The following RIMS1 variants were observed in gnomAD, a reference collection of about 807,000 sequenced individuals.
RIMS1 encodes regulating synaptic membrane exocytosis 1.
Under a neutral mutation model 214.1 loss-of-function variants are expected in RIMS1, and 83 were observed. That is an observed-to-expected ratio of 0.39 (90% CI 0.32 to 0.47). The LOEUF is 0.47. RIMS1 is among the 20% of genes least tolerant of loss of function. The probability of loss-of-function intolerance (pLI) is 0.99; values close to 1 mark genes in which losing one functional copy is unlikely to be tolerated. For synonymous variants in RIMS1, 793 were observed against 786.8 expected (o/e 1.01, Z -0.13); for missense variants, 2,050 against 2,161.8 (o/e 0.95, Z 1.03).
At chr6:72,170,967 T>C (rs2046949153) in intron 4 of RIMS1, among the ~76,000 whole-genome samples, 1 of 152,152 alleles carries the variant, frequency 6.6e-6, no homozygotes, top group South Asian at 2.1e-4. Context: ...AAATCATTAT[T>C]ATTATTTTCC....
chr6:71,987,078 A>G (rs1800211955), intron 2 of RIMS1, among the ~76,000 whole-genome samples: 1 of 152,208 alleles, frequency 6.6e-6, no homozygotes, highest in Non-Finnish European at 1.5e-5. Flanking sequence ...AGAAATATGC[A>G]GAGTGGTTAG....
At chr6:72,250,513 G>C in intron 13 of RIMS1, 53 bp downstream of exon 13, 1 of 1,284,436 alleles carries the variant, frequency 7.8e-7, no homozygotes, top group Non-Finnish European at 1.1e-6. Flanking sequence ...TAATAGAAAA[G>C]GTAGAATTTT....
intron 29 of RIMS1, among the ~76,000 whole-genome samples, chr6:72,384,711 C>T (rs922141799): frequency 6.6e-5 from 10 of 152,126 alleles, no homozygotes; most frequent in Admixed American, 2.6e-4. Flanking sequence ...TTAATTGTAT[C>T]TGCATGTCAA....
intron 6 of RIMS1, among the ~76,000 whole-genome samples, chr6:72,183,888 G>T (rs2048725426): frequency 6.6e-6 from 1 of 152,132 alleles, no homozygotes; most frequent in Admixed American, 6.5e-5. Flanking sequence ...AGTTAAAAAT[G>T]ATAAAACCTT....
rs149755035 is a variant in RIMS1 at position 72,264,056 on chromosome 6, T to C, written c.3117-919T>C. 1,264 of 832,824 alleles carry C rather than the reference T, an allele frequency of 1.5e-3. 15 individuals carry two copies. In the African/African-American group the frequency reaches 0.021, roughly 14 times the overall value. 51.6% of individuals were successfully genotyped at this position (832,824 alleles called of 1,614,324 possible). A position where few individuals can be genotyped will look rare whatever the true frequency, so the allele number is the denominator to read the frequency against. ...TTTTTAATTGAAGTTTTAAGGGATT[T>C]CCTTTGATTTGATCATTAATATAAA... On this transcript the variant is annotated intron_variant, in intron 19 of 33. Transcript: ENST00000521978.
chr6:71,953,654 C>A (rs188447139), intron 1 of RIMS1, among the ~76,000 whole-genome samples: 1 of 152,090 alleles, frequency 6.6e-6, no homozygotes, highest in Non-Finnish European at 1.5e-5. Flanking sequence ...GAATTAGTTT[C>A]TTTCCTAAAT....
intron 1 of RIMS1, among the ~76,000 whole-genome samples, chr6:71,903,654 C>G (rs146067804): frequency 6.6e-6 from 1 of 151,662 alleles, no homozygotes; most frequent in African/African-American, 2.4e-5. Context: ...AACAAATTTA[C>G]GGGAAAAAAA....
chr6:72,095,862 C>T (rs1039261539), intron 2 of RIMS1, among the ~76,000 whole-genome samples: 4 of 152,178 alleles, frequency 2.6e-5, no homozygotes, highest in African/African-American at 9.7e-5. Context: ...ATCCAAAAAA[C>T]TAGCTCAGAT....
chr6:72,261,103 T>G (rs539306906), intron 19 of RIMS1: 174 of 1,190,162 alleles, frequency 1.5e-4, no homozygotes, highest in Non-Finnish European at 1.8e-4. Context: ...CCACACATAT[T>G]CCTGTCTAGT....
chr6:72,197,991 A>G (rs754441360), intron 6 of RIMS1, among the ~76,000 whole-genome samples: 4 of 152,254 alleles, frequency 2.6e-5, no homozygotes, highest in Admixed American at 6.5e-5. Flanking sequence ...CTCATCAGCA[A>G]TGATGAACTA....
At chr6:72,384,587 T>A (rs1168249672) in intron 29 of RIMS1, among the ~76,000 whole-genome samples, 1 of 152,220 alleles carries the variant, frequency 6.6e-6, no homozygotes, top group African/African-American at 2.4e-5. Context: ...TTCAGCCTCC[T>A]TGACAGTCCT....
intron 29 of RIMS1, among the ~76,000 whole-genome samples, chr6:72,350,950 A>G (rs1410677695): frequency 6.6e-6 from 1 of 152,172 alleles, no homozygotes; most frequent in Non-Finnish European, 1.5e-5. Context: ...AAAGTAGAAT[A>G]TAAATATCTG....
At chr6:72,085,771 A>G (rs972342145) in intron 2 of RIMS1, among the ~76,000 whole-genome samples, 1 of 152,134 alleles carries the variant, frequency 6.6e-6, no homozygotes, top group Non-Finnish European at 1.5e-5. Context: ...GATAATTCTA[A>G]TGCATATTAA....
intron 11 of RIMS1, among the ~76,000 whole-genome samples, chr6:72,247,457 C>T (rs967477226): frequency 8.0e-5 from 12 of 150,176 alleles, no homozygotes; most frequent in African/African-American, 2.9e-4. Flanking sequence ...ATTGCTTGAA[C>T]CTGCGAGGTG....
At chr6:72,015,576 A>G (rs935648849) in intron 2 of RIMS1, among the ~76,000 whole-genome samples, 3 of 152,136 alleles carry the variant, frequency 2.0e-5, no homozygotes, top group East Asian at 3.8e-4. Flanking sequence ...ATTTTTTAAC[A>G]GAAGTGGTAA....
intron 2 of RIMS1, among the ~76,000 whole-genome samples, chr6:72,093,014 A>C (rs770373307): frequency 4.6e-5 from 7 of 152,122 alleles, no homozygotes; most frequent in Non-Finnish European, 1.0e-4. Context: ...CTGAATCTGA[A>C]TCTTTTTCTT....
At chr6:72,246,906 A>C (rs2070127528) in intron 11 of RIMS1, among the ~76,000 whole-genome samples, 1 of 152,220 alleles carries the variant, frequency 6.6e-6, no homozygotes, top group South Asian at 2.1e-4. Context: ...ACATAGTAAC[A>C]ATTTTATATA....
intron 30 of RIMS1, among the ~76,000 whole-genome samples, chr6:72,392,066 A>G (rs2098711434): frequency 6.6e-6 from 1 of 152,250 alleles, no homozygotes. Flanking sequence ...CCTATCACAT[A>G]ATGAGCATAG....
chr6:72,218,745 T>C (rs1157546859), intron 6 of RIMS1, among the ~76,000 whole-genome samples: 1 of 152,140 alleles, frequency 6.6e-6, no homozygotes, highest in Non-Finnish European at 1.5e-5. Flanking sequence ...CCCAGATATA[T>C]GTACATGAGA....
Sources: gnomAD v4.1 joint callset for allele counts (sites outside exome capture counted in the v4.1 genomes callset) on GRCh38, gnomAD v4.1.1 for gene constraint, MANE v1.5 for transcripts, NCBI Gene and HGNC (gene_info 2026-07-23, HGNC 2026-07-21) for gene names.